Variants in AKT3 observed in about 807,000 individuals in gnomAD.
The protein encoded by AKT3 is AKT serine/threonine kinase 3.
A neutral mutation model predicts 65.3 loss-of-function variants in AKT3; 15 were observed. The ratio of observed to expected loss-of-function variants is 0.23; its 90% CI spans 0.15 to 0.35. AKT3 has a LOEUF of 0.35. Ranked by LOEUF, AKT3 falls within the 10% of genes least tolerant of loss-of-function variation. AKT3 has a pLI of 1.00. For synonymous variants in AKT3, 206 were observed against 183.8 expected (o/e 1.12, Z -0.98); for missense variants, 243 against 576.5 (o/e 0.42, Z 5.92).
intron 2 of AKT3, among the ~76,000 whole-genome samples, chr1:243,783,589 A>T (rs1401418726): frequency 6.6e-6 from 1 of 152,226 alleles, no homozygotes; most frequent in Non-Finnish European, 1.5e-5. Flanking sequence ...AAAATTTGTA[A>T]ATGAAAAGTT....
chr1:243,580,798 A>G (rs1675282813), intron 8 of AKT3, among the ~76,000 whole-genome samples: 1 of 152,114 alleles, frequency 6.6e-6, no homozygotes, highest in African/African-American at 2.4e-5. Context: ...TCCATCTCCA[A>G]GCACATCTCT....
At chr1:243,824,907 T>C (rs921188320) in intron 2 of AKT3, among the ~76,000 whole-genome samples, 3 of 152,214 alleles carry the variant, frequency 2.0e-5, no homozygotes, top group African/African-American at 4.8e-5. Flanking sequence ...TTACTGGGTA[T>C]ATATCCAAAG....
intron 2 of AKT3, among the ~76,000 whole-genome samples, chr1:243,753,164 G>A (rs1048116184): frequency 6.6e-6 from 1 of 152,166 alleles, no homozygotes; most frequent in African/African-American, 2.4e-5. Context: ...CTGCTTCTAA[G>A]GAGTAAGTGA....
chr1:243,562,664 G>A (rs928624261), intron 10 of AKT3, among the ~76,000 whole-genome samples: 2 of 152,098 alleles, frequency 1.3e-5, no homozygotes, highest in African/African-American at 2.4e-5. Context: ...CCAGACTCAT[G>A]GAGAGAAGGG....
intron 2 of AKT3, among the ~76,000 whole-genome samples, chr1:243,696,695 C>T (rs1685084926): frequency 1.3e-5 from 2 of 151,990 alleles, no homozygotes; most frequent in South Asian, 2.1e-4. Flanking sequence ...GAAGGTTCCC[C>T]TCCTTATCAC....
chr1:243,501,300 T>A lies in AKT3; in HGVS notation c.*3949A>T, dbSNP rs534852128. 1.1e-4 allele frequency: 26 copies of A among 233,222 alleles called. No individual in the cohort carries two copies. The highest frequency in any genetic ancestry group is 5.5e-4 in the African/African-American group (25 of 45,468). 14.4% of individuals were successfully genotyped at this position (233,222 alleles called of 1,614,324 possible). A position where few individuals can be genotyped will look rare whatever the true frequency, so the allele number is the denominator to read the frequency against. ...TCACCCACGTCTAAGTTTGTTAATT[T>A]GCCATGACATGTTGTTAGAAATACA... On this transcript the variant is annotated 3_prime_UTR_variant, in exon 14 of 14. Coordinates refer to ENST00000673466, the MANE Select transcript of AKT3 (RefSeq NM_005465.7).
At chr1:243,515,483 T>C (rs986036981) in intron 12 of AKT3, among the ~76,000 whole-genome samples, 1 of 152,168 alleles carries the variant, frequency 6.6e-6, no homozygotes, top group Non-Finnish European at 1.5e-5. Context: ...TAGTTTTTTC[T>C]TTGCATCATT....
intron 12 of AKT3, among the ~76,000 whole-genome samples, chr1:243,532,060 G>A (rs1671571319): frequency 6.6e-6 from 1 of 152,180 alleles, no homozygotes; most frequent in African/African-American, 2.4e-5. Flanking sequence ...TCACCTATTA[G>A]TAGGGGTAGT....
intron 6 of AKT3, among the ~76,000 whole-genome samples, chr1:243,626,823 C>T (rs150243569): frequency 1.3e-5 from 2 of 152,240 alleles, no homozygotes; most frequent in East Asian, 3.9e-4. Flanking sequence ...GTACTTGCAT[C>T]CACATTACCT....
chr1:243,518,322 G>A (rs189488656), intron 12 of AKT3, among the ~76,000 whole-genome samples: 4 of 152,246 alleles, frequency 2.6e-5, no homozygotes, highest in South Asian at 2.1e-4. Flanking sequence ...GAACATTGTC[G>A]GGTAGGGCTT....
At chr1:243,705,609 G>A (rs1263379979) in intron 2 of AKT3, among the ~76,000 whole-genome samples, 1 of 152,124 alleles carries the variant, frequency 6.6e-6, no homozygotes, top group African/African-American at 2.4e-5. Flanking sequence ...GAAAAGCAAG[G>A]TGAGTAAGGA....
intron 5 of AKT3, among the ~76,000 whole-genome samples, chr1:243,642,341 G>A (rs371279919): frequency 2.8e-4 from 43 of 152,222 alleles, no homozygotes; most frequent in East Asian, 7.7e-4. Flanking sequence ...ACGGAGTCTC[G>A]CTCTGTCGCC....
chr1:243,718,453 T>C (rs1453156436), intron 2 of AKT3, among the ~76,000 whole-genome samples: 2 of 152,084 alleles, frequency 1.3e-5, no homozygotes, highest in Non-Finnish European at 2.9e-5. Context: ...TATCTACTGT[T>C]TTGTTTTGTT....
At chr1:243,653,170 G>A (rs767488045) in intron 4 of AKT3, among the ~76,000 whole-genome samples, 9 of 151,966 alleles carry the variant, frequency 5.9e-5, no homozygotes, top group Non-Finnish European at 1.2e-4. Context: ...GGATATCACC[G>A]TCAATCCCAC....
intron 2 of AKT3, among the ~76,000 whole-genome samples, chr1:243,836,910 CAAAAA>C (rs779727098): frequency 1.8e-5 from 1 of 56,936 alleles, no homozygotes; most frequent in Non-Finnish European, 3.8e-5. Context: ...GACTCCATCT[CAAAAA>C]AAAAAAAAAA....
At chr1:243,614,769 A>C (rs913795611) in intron 7 of AKT3, among the ~76,000 whole-genome samples, 3 of 152,184 alleles carry the variant, frequency 2.0e-5, no homozygotes, top group African/African-American at 7.2e-5. Context: ...AAATTTTTAA[A>C]AATCAGCCAT....
chr1:243,526,917 A>G (rs1558589166), intron 12 of AKT3, among the ~76,000 whole-genome samples: 1 of 152,072 alleles, frequency 6.6e-6, no homozygotes, highest in Admixed American at 6.5e-5. Flanking sequence ...TGATGGTTGC[A>G]TAAGTCTGTC....
intron 2 of AKT3, among the ~76,000 whole-genome samples, chr1:243,708,362 A>T (rs868535038): frequency 2.8e-4 from 42 of 152,138 alleles, no homozygotes; most frequent in African/African-American, 9.9e-4. Flanking sequence ...GCTGCTTCTC[A>T]ATGTTAAAAA....
At chr1:243,522,340 A>G (rs1025996361) in intron 12 of AKT3, among the ~76,000 whole-genome samples, 19 of 152,326 alleles carry the variant, frequency 1.2e-4, no homozygotes, top group African/African-American at 4.6e-4. Flanking sequence ...TTTCCAACTT[A>G]CAAGCTAATT....
Sources: gnomAD v4.1 joint callset for allele counts (sites outside exome capture counted in the v4.1 genomes callset) on GRCh38, gnomAD v4.1.1 for gene constraint, MANE v1.5 for transcripts, NCBI Gene and HGNC (gene_info 2026-07-23, HGNC 2026-07-21) for gene names.